The following FARP1 variants were observed in gnomAD, a reference collection of about 807,000 sequenced individuals.
FARP1 encodes the protein FERM, ARHGEF and pleckstrin domain-containing protein 1.
In FARP1, 52 loss-of-function variants were observed where a neutral mutation model predicts 128.8. That is an observed-to-expected ratio of 0.40 (90% CI 0.32 to 0.51). The LOEUF (loss-of-function observed/expected upper bound fraction) is 0.51, where lower values mean the gene tolerates loss of function less well. Ranked by LOEUF, FARP1 falls within the 20% of genes least tolerant of loss-of-function variation. The pLI, the probability that FARP1 is intolerant of heterozygous loss-of-function variation, is 0.45. For missense variants in FARP1, 1,333 were observed against 1,367.9 expected, an observed-to-expected ratio of 0.97 and a Z score of 0.40; for synonymous variants, 580 against 551.8, an observed-to-expected ratio of 1.05 and a Z score of -0.72.
chr13:98,250,744 GA>G (rs1164419770), intron 2 of FARP1, among the ~76,000 whole-genome samples: 9 of 151,724 alleles, frequency 5.9e-5, no homozygotes, highest in African/African-American at 1.9e-4. Flanking sequence ...AAAGGAAAAA[GA>G]AAAAAATATA....
chr13:98,319,537 G>A (rs1335824609), intron 2 of FARP1, among the ~76,000 whole-genome samples: 1 of 152,134 alleles, frequency 6.6e-6, no homozygotes, highest in Non-Finnish European at 1.5e-5. Flanking sequence ...GGAGAATGGT[G>A]TGAACCCGGG....
chr13:98,217,653 G>A (rs8001636), intron 2 of FARP1, among the ~76,000 whole-genome samples: 52,397 of 151,948 alleles, frequency 0.34, 11,164 homozygotes, highest in East Asian at 0.97. Context: ...GAGGTGCCTG[G>A]GCAACTCCCA....
At chr13:98,381,345 G>A (rs1183449328) in intron 6 of FARP1, among the ~76,000 whole-genome samples, 1 of 152,126 alleles carries the variant, frequency 6.6e-6, no homozygotes, top group Non-Finnish European at 1.5e-5. Context: ...TACCCCTAAT[G>A]GAAAATTATC....
intron 1 of FARP1, among the ~76,000 whole-genome samples, chr13:98,169,467 G>C (rs1877502272): frequency 6.6e-6 from 1 of 152,170 alleles, no homozygotes. Context: ...GTGCATGCTT[G>C]TAATTCCAGC....
intron 2 of FARP1, chr13:98,334,435 A>G (rs1887651813): frequency 1.3e-5 from 2 of 151,984 alleles, no homozygotes; most frequent in African/African-American, 2.4e-5. Flanking sequence ...TTCATTCTGT[A>G]AATTTCCCTT....
At chr13:98,413,595 G>A (rs550419102) in intron 16 of FARP1, among the ~76,000 whole-genome samples, 41 of 152,296 alleles carry the variant, frequency 2.7e-4, no homozygotes, top group Middle Eastern at 3.4e-3. Flanking sequence ...AGAAGTTCAG[G>A]GCTGCAGTGA....
At position 98,385,800 on chromosome 13, in the gene FARP1, A is replaced by T; in HGVS notation, c.745A>T (p.Ile249Phe). Residue 249 changes from isoleucine (I) to phenylalanine (F), a missense_variant, in exon 8 of 27, where the codon ATT becomes TTT. This residue lies in a region of FARP1 where 324 missense variants were observed against 398.1 expected (regional missense o/e 0.81). Transcript: ENST00000319562. ...KINLAVANTG[I>F]LVFQGFTKIN... ...CAATCTGGCCGTTGCCAACACGGGA[A>T]TTCTAGTGTTTCAGGTGAGAGCCTT... is the stretch of plus-strand genomic sequence containing the variant. 1 of 1,614,130 alleles carries T rather than the reference A, an allele frequency of 6.2e-7. No homozygotes were observed. The highest frequency in any genetic ancestry group is 8.5e-7 in the Non-Finnish European group (1 of 1,180,008).
intron 2 of FARP1, among the ~76,000 whole-genome samples, chr13:98,276,507 G>T (rs1884661185): frequency 6.6e-6 from 1 of 152,200 alleles, no homozygotes; most frequent in South Asian, 2.1e-4. Context: ...ACAGACAAAA[G>T]AGAGGAGCTA....
At chr13:98,361,480 C>T (rs1201634002) in intron 3 of FARP1, among the ~76,000 whole-genome samples, 2 of 152,186 alleles carry the variant, frequency 1.3e-5, no homozygotes. Context: ...GTCATTGATT[C>T]GTCCTGGGGA....
Position 98,453,988 on chromosome 13 carries a change from T to C in FARP1, c.*5671T>C, listed in dbSNP as rs754759270. ...AAATCTGACATGCCCCAGAGAGCAGTTCCTTTGAGCCCCATGCTGGCGCTC... is the reference window on the plus strand; with the variant it reads ...AAATCTGACATGCCCCAGAGAGCAGCTCCTTTGAGCCCCATGCTGGCGCTC... On this transcript the variant is annotated 3_prime_UTR_variant, in exon 27 of 27. Coordinates refer to ENST00000319562, the MANE Select transcript of FARP1 (RefSeq NM_005766.4). 7.2e-5 allele frequency: 11 copies of C among 152,206 alleles called. No individual in the cohort carries two copies. Among genetic ancestry groups the C allele is most frequent in the Non-Finnish European group, 1.5e-4 (10 of 68,044 alleles). 9.4% of individuals were successfully genotyped at this position (152,206 alleles called of 1,614,324 possible).
intron 2 of FARP1, among the ~76,000 whole-genome samples, chr13:98,214,543 C>T (rs181640017): frequency 6.6e-5 from 10 of 152,224 alleles, no homozygotes; most frequent in African/African-American, 2.2e-4. Context: ...TCGGCATTAA[C>T]GTTGGTAACC....
intron 7 of FARP1, 47 bp from the exon 8 acceptor site, chr13:98,385,620 G>A (rs1283303983): frequency 6.2e-7 from 1 of 1,601,836 alleles, no homozygotes; most frequent in Non-Finnish European, 8.6e-7. Flanking sequence ...AATAGATACA[G>A]GGAATTCAAA....
intron 5 of FARP1, among the ~76,000 whole-genome samples, chr13:98,372,250 C>A (rs1467405329): frequency 6.6e-6 from 1 of 152,026 alleles, no homozygotes; most frequent in Non-Finnish European, 1.5e-5. Context: ...CCACACCCAG[C>A]TAATTTTTGT....
At chr13:98,189,950 C>G (rs1879117401) in intron 1 of FARP1, among the ~76,000 whole-genome samples, 1 of 152,188 alleles carries the variant, frequency 6.6e-6, no homozygotes, top group Non-Finnish European at 1.5e-5. Context: ...TGCAAGTTCT[C>G]TGTCTTCAAA....
At chr13:98,437,349 C>T (rs749999255) in intron 19 of FARP1, among the ~76,000 whole-genome samples, 12 of 152,078 alleles carry the variant, frequency 7.9e-5, no homozygotes, top group Non-Finnish European at 1.3e-4. Context: ...CGCTCCGTGT[C>T]GCAGGTGATC....
At chr13:98,153,295 T>TG (rs1566669723) in intron 1 of FARP1, among the ~76,000 whole-genome samples, 1 of 8,866 alleles carries the variant, frequency 1.1e-4, no homozygotes, top group Admixed American at 4.4e-3. Context: ...AAAATATATA[T>TG]AAATATATTT....
intron 24 of FARP1, among the ~76,000 whole-genome samples, chr13:98,442,881 C>G (rs1892586368): frequency 1.3e-5 from 2 of 152,242 alleles, no homozygotes; most frequent in Admixed American, 6.5e-5. Flanking sequence ...TTACGACTCT[C>G]AAGGCTGGGG....
Position 98,384,842 on chromosome 13 carries a change from C to T in FARP1, c.609C>T (p.His203=), listed in dbSNP as rs1371267932. 3 of 1,586,612 alleles carry T rather than the reference C, an allele frequency of 1.9e-6. No individual in the cohort carries two copies. In the African/African-American group the frequency reaches 4.0e-5, roughly 21 times the overall value. The change falls in exon 7 of 27, where the codon CAC becomes CAT. Residue 203 remains histidine (H), a splice_region_variant and synonymous_variant. Coordinates refer to ENST00000319562, the MANE Select transcript of FARP1 (RefSeq NM_005766.4). ...EDKIVEFHHN[H]IGQTPAESDF... ...AAATCGTGGAATTTCACCATAACCA[C>T]ATGTAAGTCTCATTCTTGGCTTCAT...
intron 2 of FARP1, among the ~76,000 whole-genome samples, chr13:98,255,475 C>T (rs529226644): frequency 4.9e-4 from 74 of 151,468 alleles, no homozygotes; most frequent in Non-Finnish European, 6.0e-4. Flanking sequence ...CACTCAAGCC[C>T]GGGCAACAGA....
Sources: gnomAD v4.1 joint callset for allele counts (sites outside exome capture counted in the v4.1 genomes callset) on GRCh38, gnomAD v4.1.1 for gene constraint, gnomAD v4.1.1 regional missense constraint, MANE v1.5 for transcripts, NCBI Gene and HGNC (gene_info 2026-07-23, HGNC 2026-07-21) for gene names.